Variants in SLC22A24 observed in about 807,000 individuals in gnomAD.
SLC22A24 encodes the protein solute carrier family 22 member 24.
SLC22A24 carries 53 observed loss-of-function variants against 49.8 expected under a neutral mutation model. The observed-to-expected ratio is 1.06, with a 90% CI of 0.85 to 1.34. The LOEUF (loss-of-function observed/expected upper bound fraction) is 1.34. SLC22A24 is among the 40% of genes most tolerant of loss of function. SLC22A24 has a pLI of 0.00. For synonymous variants in SLC22A24, 302 were observed against 256.4 expected (o/e 1.18, Z -1.70); for missense variants, 786 against 675.9 (o/e 1.16, Z -1.81).
chr11:63,097,744 T>A (rs2087064543), intron 5 of SLC22A24, among the ~76,000 whole-genome samples: 1 of 152,108 alleles, frequency 6.6e-6, no homozygotes, highest in East Asian at 1.9e-4. Context: ...TGAAAAATAA[T>A]GAGTTCATGT....
intron 1 of SLC22A24, among the ~76,000 whole-genome samples, chr11:63,136,661 A>T (rs2087377151): frequency 1.3e-5 from 2 of 152,180 alleles, no homozygotes; most frequent in African/African-American, 2.4e-5. Flanking sequence ...TGTCTTGATG[A>T]ATATGCTCTG....
At chr11:63,084,505 A>T (rs553652203) in intron 6 of SLC22A24, among the ~76,000 whole-genome samples, 62 of 152,264 alleles carry the variant, frequency 4.1e-4, no homozygotes, top group African/African-American at 1.4e-3. Flanking sequence ...GAGAAAATGT[A>T]TGCAGGAGCC....
chr11:63,117,726 C>T (rs1228910836), intron 4 of SLC22A24, among the ~76,000 whole-genome samples: 6 of 151,998 alleles, frequency 3.9e-5, no homozygotes, highest in East Asian at 1.9e-4. Flanking sequence ...CTTACTTTAC[C>T]ATAAGAATAT....
Position 63,113,045 on chromosome 11 carries a change from T to TAC in SLC22A24, c.830+5866_830+5867insGT, listed in dbSNP as rs1366043101. On this transcript the variant is annotated intron_variant, in intron 4 of 9. Coordinates refer to ENST00000612278, the MANE Select transcript of SLC22A24 (RefSeq NM_001136506.2). ...AAAAAAAAAAAAAAAAATATATATA[T>TAC]ATATATATACATATATATATATACA... Among the ~76,000 whole-genome samples, 3 of 6,768 alleles carry TAC rather than the reference T, an allele frequency of 4.4e-4. 1 individual carries two copies. The highest frequency in any genetic ancestry group is 6.6e-4 in the African/African-American group (3 of 4,532). The allele number at this position is 6,768 out of a possible 152,430, so 4.4% of individuals were successfully genotyped here. A position where few individuals can be genotyped will look rare whatever the true frequency, so the allele number is the denominator to read the frequency against.
intron 5 of SLC22A24, among the ~76,000 whole-genome samples, chr11:63,103,492 A>T (rs2087103034): frequency 1.3e-5 from 2 of 152,120 alleles, no homozygotes; most frequent in South Asian, 4.1e-4. Flanking sequence ...AACATCTAAC[A>T]ATACCCTGGT....
chr11:63,133,836 G>T (rs1407183083), intron 2 of SLC22A24, among the ~76,000 whole-genome samples: 1 of 151,946 alleles, frequency 6.6e-6, no homozygotes, highest in Non-Finnish European at 1.5e-5. Context: ...GTAGAGATGG[G>T]GTTTCACAGT....
intron 2 of SLC22A24, among the ~76,000 whole-genome samples, chr11:63,125,325 A>C (rs59243038): frequency 0.018 from 2,716 of 152,078 alleles, 87 homozygotes; most frequent in African/African-American, 0.062. Context: ...ACTCCACGAC[A>C]GGCCCTGGTA....
intron 1 of SLC22A24, among the ~76,000 whole-genome samples, chr11:63,135,513 G>A (rs760555908): frequency 3.3e-5 from 5 of 152,134 alleles, no homozygotes; most frequent in African/African-American, 1.2e-4. Context: ...TAATTAATTC[G>A]CTTAATATTA....
chr11:63,132,343 C>A (rs749480278), intron 2 of SLC22A24, among the ~76,000 whole-genome samples: 1 of 152,186 alleles, frequency 6.6e-6, no homozygotes, highest in Non-Finnish European at 1.5e-5. Flanking sequence ...AGCTGTGAAC[C>A]TTTGGAGGAG....
intron 1 of SLC22A24, 101 bp downstream of exon 1, chr11:63,143,277 G>C: frequency 1.0e-6 from 1 of 985,608 alleles, no homozygotes; most frequent in East Asian, 3.2e-5. Flanking sequence ...GCTGACTGCA[G>C]GTCCCATCTA....
At chr11:63,134,587 C>A in intron 2 of SLC22A24, 78 bp downstream of exon 2, 2 of 841,132 alleles carry the variant, frequency 2.4e-6, no homozygotes, top group South Asian at 1.6e-5. Context: ...ACAGTAAGAG[C>A]TCAGTAAATA....
intron 9 of SLC22A24, among the ~76,000 whole-genome samples, chr11:63,080,561 C>T (rs532922948): frequency 6.6e-6 from 1 of 152,302 alleles, no homozygotes; most frequent in African/African-American, 2.4e-5. Flanking sequence ...TGTGATAAAA[C>T]CAGGGGATGA....
chr11:63,113,081 C>CAT (rs1275523961), intron 4 of SLC22A24, among the ~76,000 whole-genome samples: 159 of 946 alleles, frequency 0.17, 68 homozygotes, highest in African/African-American at 0.21. Flanking sequence ...TATATATACA[C>CAT]ATATATATAC....
chr11:63,087,355 C>T (rs765069425), intron 6 of SLC22A24, among the ~76,000 whole-genome samples: 22 of 152,120 alleles, frequency 1.4e-4, no homozygotes, highest in Non-Finnish European at 2.9e-4. Flanking sequence ...CCTCCCTGAA[C>T]CAAGGGAAGC....
chr11:63,110,884 T>C (rs1177817261), intron 4 of SLC22A24, among the ~76,000 whole-genome samples: 2 of 149,480 alleles, frequency 1.3e-5, no homozygotes, highest in Non-Finnish European at 3.0e-5. Flanking sequence ...TCCAACACTA[T>C]GTTGAATAGG....
At chr11:63,130,197 T>G (rs991831880) in intron 2 of SLC22A24, among the ~76,000 whole-genome samples, 3 of 152,250 alleles carry the variant, frequency 2.0e-5, no homozygotes. Context: ...TGCTGTTGAA[T>G]TTTGTTGAAG....
At chr11:63,115,293 G>A (rs1296772699) in intron 4 of SLC22A24, among the ~76,000 whole-genome samples, 1 of 152,192 alleles carries the variant, frequency 6.6e-6, no homozygotes, top group Non-Finnish European at 1.5e-5. Flanking sequence ...CCCCCCATGA[G>A]GCTACTGCCT....
Position 63,099,371 on chromosome 11 carries a change from A to ATTTTTTTTTTTTTTTTTTTTTTTTT in SLC22A24, c.955-3290_955-3266dup, listed in dbSNP as rs56708217. 3.6e-4 allele frequency among the ~76,000 whole-genome samples: 19 copies of ATTTTTTTTTTTTTTTTTTTTTTTTT among 52,336 alleles called. 4 individuals carry two copies. The highest frequency in any genetic ancestry group is 1.5e-3 in the Admixed American group (4 of 2,600). The allele number at this position is 52,336 out of a possible 152,430, so 34.3% of individuals were successfully genotyped here. ...CCACCACACCTGGCTAATTTTTAAG[A>ATTTTTTTTTTTTTTTTTTTTTTTTT]TTTTTTTTTTTTTTTTTTTTTTTTT... On this transcript the variant is annotated intron_variant, in intron 5 of 9. Coordinates refer to ENST00000612278, the MANE Select transcript of SLC22A24 (RefSeq NM_001136506.2).
rs1157747052 is a variant in SLC22A24 at position 63,083,242 on chromosome 11, C to T, written c.1285+1G>A. The T allele has an allele frequency of 1.3e-6, 2 of 1,553,180 alleles. No individual in the cohort carries two copies. The highest frequency in any genetic ancestry group is 1.7e-6 in the Non-Finnish European group (2 of 1,147,522). On this transcript the variant is annotated splice_donor_variant, in intron 7 of 9. Transcript: ENST00000612278. LOFTEE classifies it high-confidence loss of function. ...TTTCCTGAAACTCCTGTCTCTCTCA[C>T]CTTGGGGCAAAAAGGTGTTGACCAG...
Sources: allele counts gnomAD v4.1 joint callset (sites outside exome capture counted in the v4.1 genomes callset), GRCh38; gene constraint gnomAD v4.1.1; transcripts MANE v1.5; gene names NCBI Gene and HGNC (gene_info 2026-07-23, HGNC 2026-07-21).